GAN: variants seen among roughly 807,000 people sequenced by gnomAD.
The protein encoded by GAN is epididymis secretory sperm binding protein.
GAN carries 48 observed loss-of-function variants against 71.3 expected under a neutral mutation model. The ratio of observed to expected loss-of-function variants is 0.67; its 90% CI spans 0.53 to 0.86. GAN has a LOEUF of 0.86. GAN is among the 40% of genes least tolerant of loss of function. GAN has a pLI of 0.00. For synonymous variants in GAN, 386 were observed against 276.8 expected (o/e 1.39, Z -3.92); for missense variants, 928 against 770.1 (o/e 1.21, Z -2.43).
At chr16:81,322,993 C>T (rs1163347636) in intron 1 of GAN, among the ~76,000 whole-genome samples, 1 of 152,284 alleles carries the variant, frequency 6.6e-6, no homozygotes, top group South Asian at 2.1e-4. Context: ...TAGAAAGTTC[C>T]CTGATATTCG....
rs72833372 is a variant in GAN, at chr16:81,324,949, G to A, written c.167+9669G>A. Among the ~76,000 whole-genome samples, 373 of 152,270 alleles carry A rather than the reference G, an allele frequency of 2.4e-3. 2 individuals carry two copies. Among genetic ancestry groups the A allele is most frequent in the Non-Finnish European group, 4.0e-3 (275 of 68,022 alleles). Reference sequence around the variant, plus strand: ...CTGGGCCAGGTTTGGCAGTGGAGGCGGACACAGCAGCTGGATTACAGACAT... The same window carrying A: ...CTGGGCCAGGTTTGGCAGTGGAGGCAGACACAGCAGCTGGATTACAGACAT... On this transcript the variant is annotated intron_variant, in intron 1 of 10. Coordinates refer to ENST00000648994, the MANE Select transcript of GAN (RefSeq NM_022041.4).
Position 81,365,359 on chromosome 16 carries a change from G to A in GAN, c.1383G>A (p.Ala461=), listed in dbSNP as rs147725941. The A allele has an allele frequency of 2.6e-5, 42 of 1,613,696 alleles. No homozygotes were observed. Among genetic ancestry groups the A allele is most frequent in the South Asian group, 2.3e-4 (21 of 91,052 alleles). ...ICPLKERRFG[A]VACGVAMELY... is the part of the protein sequence containing the mutation. ...GTGTGTGGCCTTTCAGGTTTGGAGC[G>A]GTGGCCTGTGGAGTTGCTATGGAGC... Residue 461 remains alanine, a synonymous_variant, in exon 9 of 11, where the codon GCG becomes GCA. Coordinates refer to ENST00000648994, the MANE Select transcript of GAN (RefSeq NM_022041.4).
intron 9 of GAN, among the ~76,000 whole-genome samples, chr16:81,375,485 T>G (rs1393050279): frequency 6.6e-6 from 1 of 151,600 alleles, no homozygotes; most frequent in Non-Finnish European, 1.5e-5. Context: ...TGCCACCACA[T>G]TTGGCTAATT....
Position 81,357,891 on chromosome 16 carries a change from T to C in GAN, c.933T>C (p.Pro311=). 1 of 1,613,930 alleles carries C rather than the reference T, an allele frequency of 6.2e-7. No homozygotes were observed. The highest frequency in any genetic ancestry group is 8.5e-7 in the Non-Finnish European group (1 of 1,179,804). Residue 311 remains proline, a synonymous_variant, in exon 5 of 11, where the codon CCT becomes CCC. Coordinates refer to ENST00000648994, the MANE Select transcript of GAN (RefSeq NM_022041.4). ...PNRQLWIELA[P]LSMPRINHGV... The stretch of plus-strand genomic sequence containing the variant: ...GGCAGCTTTGGATCGAACTGGCCCC[T>C]TTAAGCATGCCGAGAATTAACCATG...
intron 2 of GAN, among the ~76,000 whole-genome samples, chr16:81,352,539 C>G (rs780831507): frequency 2.0e-5 from 3 of 152,146 alleles, no homozygotes; most frequent in Non-Finnish European, 4.4e-5. Context: ...TTGTTCCCTA[C>G]TCTCTCCTTT....
In GAN at chr16:81,315,057, G is replaced by C. The variant is rs1191163604; in HGVS notation, c.-57G>C. ...GCGCGCAGGACTCGGGCCGCTCGAG[G>C]GGTCCGGCCGGACGGTGTCGGGAGC... On this transcript the variant is annotated 5_prime_UTR_variant, in exon 1 of 11. Coordinates refer to ENST00000648994, the MANE Select transcript of GAN (RefSeq NM_022041.4). The C allele has an allele frequency of 7.4e-7, 1 of 1,356,288 alleles. No individual in the cohort carries two copies. The highest frequency in any genetic ancestry group is 1.5e-5 in the African/African-American group (1 of 65,382). The allele number at this position is 1,356,288 out of a possible 1,614,324, so 84.0% of individuals were successfully genotyped here.
At chr16:81,358,381 A>G (rs1910561322) in intron 5 of GAN, among the ~76,000 whole-genome samples, 1 of 152,182 alleles carries the variant, frequency 6.6e-6, no homozygotes, top group African/African-American at 2.4e-5. Flanking sequence ...TTAGGAGGCT[A>G]AAGTGAGAGG....
chr16:81,370,283 A>C (rs1910997616), intron 9 of GAN, among the ~76,000 whole-genome samples: 4 of 152,242 alleles, frequency 2.6e-5, no homozygotes, highest in Non-Finnish European at 5.9e-5. Flanking sequence ...AGGTACTTTC[A>C]GATGCCTTTG....
At chr16:81,364,845 A>G (rs543077332) in intron 7 of GAN, 129 bp from the exon 8 acceptor site, 29 of 890,328 alleles carry the variant, frequency 3.3e-5, no homozygotes, top group South Asian at 8.0e-5. Flanking sequence ...GAAAAGCACC[A>G]TCGTTTTACG....
intron 1 of GAN, among the ~76,000 whole-genome samples, chr16:81,318,710 C>A (rs1909126101): frequency 6.6e-6 from 1 of 152,168 alleles, no homozygotes; most frequent in Non-Finnish European, 1.5e-5. Flanking sequence ...TTCCTGCTGA[C>A]ACCCTTAGCA....
chr16:81,354,092 T>C (rs963440085), intron 2 of GAN, among the ~76,000 whole-genome samples: 1 of 152,178 alleles, frequency 6.6e-6, no homozygotes, highest in African/African-American at 2.4e-5. Context: ...ATTTGAGTCA[T>C]TAAGGTTTTT....
At chr16:81,356,042 T>C (rs1349564565) in intron 3 of GAN, among the ~76,000 whole-genome samples, 2 of 152,168 alleles carry the variant, frequency 1.3e-5, no homozygotes, top group African/African-American at 4.8e-5. Flanking sequence ...CTTGCCAGCT[T>C]CCGTCCTGCC....
At chr16:81,343,062 C>A (rs913729863) in intron 1 of GAN, among the ~76,000 whole-genome samples, 1 of 152,174 alleles carries the variant, frequency 6.6e-6, no homozygotes, top group Admixed American at 6.5e-5. Context: ...CATACACCCT[C>A]CCAAAACTAA....
At position 81,351,678 on chromosome 16, in the gene GAN, AT is replaced by A; in HGVS notation, c.265del (p.Tyr89ThrfsTer9). On this transcript the variant is annotated frameshift_variant, in exon 2 of 11. Transcript: ENST00000648994. LOFTEE classifies it high-confidence loss of function. ...GTAATGGTTATGAGAGAGATCCTGG[AT>A]TACATCTTCAGTGGGCAGGTATGAT... Reference protein sequence around the residue: ...ISVMVMREILDYIFSGQIRLN... With the variant: ...ISVMVMREILXYIFSGQIRLN... 2 of 1,494,882 alleles carry A rather than the reference AT, an allele frequency of 1.3e-6. No homozygotes were observed. Among genetic ancestry groups the A allele is most frequent in the Non-Finnish European group, 1.9e-6 (2 of 1,071,146 alleles). The allele number at this position is 1,494,882 out of a possible 1,614,324, so 92.6% of individuals were successfully genotyped here. A position where few individuals can be genotyped will look rare whatever the true frequency, so the allele number is the denominator to read the frequency against.
At chr16:81,343,171 C>T (rs143616978) in intron 1 of GAN, among the ~76,000 whole-genome samples, 3,258 of 152,228 alleles carry the variant, frequency 0.021, 60 homozygotes, top group East Asian at 0.083. Flanking sequence ...CAGGACCAGA[C>T]GGATTCACAG....
intron 1 of GAN, among the ~76,000 whole-genome samples, chr16:81,331,555 C>A (rs1238195923): frequency 6.6e-6 from 1 of 152,038 alleles, no homozygotes; most frequent in Non-Finnish European, 1.5e-5. Flanking sequence ...AAAAAGAAAA[C>A]CAAATTCCTA....
chr16:81,331,819 C>G (rs1463922320), intron 1 of GAN, among the ~76,000 whole-genome samples: 1 of 152,180 alleles, frequency 6.6e-6, no homozygotes, highest in Non-Finnish European at 1.5e-5. Flanking sequence ...AGACTGGGGT[C>G]TTCAGTATGT....
At chr16:81,342,133 C>G (rs1909963726) in intron 1 of GAN, among the ~76,000 whole-genome samples, 1 of 152,332 alleles carries the variant, frequency 6.6e-6, no homozygotes, top group Middle Eastern at 3.4e-3. Flanking sequence ...ATTCATAAAG[C>G]AAGTTCTTAG....
Position 81,379,458 on chromosome 16 carries a change from G to A in GAN, c.*1862G>A, listed in dbSNP as rs1436815735. 1 of 152,182 alleles carries A rather than the reference G, an allele frequency of 6.6e-6. No homozygotes were observed. Among genetic ancestry groups the A allele is most frequent in the Non-Finnish European group, 1.5e-5 (1 of 68,032 alleles). The allele number at this position is 152,182 out of a possible 1,614,324, so 9.4% of individuals were successfully genotyped here. On this transcript the variant is annotated 3_prime_UTR_variant, in exon 11 of 11. Transcript: ENST00000648994. The stretch of plus-strand genomic sequence containing the variant: ...CCGCACAGTCATGTAATTCAATCAT[G>A]TTTAATATGTCAGTCAAAACCAAAT...
Sources: gnomAD v4.1 joint callset for allele counts (sites outside exome capture counted in the v4.1 genomes callset) on GRCh38, gnomAD v4.1.1 for gene constraint, MANE v1.5 for transcripts, NCBI Gene and HGNC (gene_info 2026-07-23, HGNC 2026-07-21) for gene names.